SGMS1: variants seen among roughly 807,000 people sequenced by gnomAD.
SGMS1 encodes phosphatidylcholine:ceramide cholinephosphotransferase 1.
SGMS1 carries 13 observed loss-of-function variants against 46.2 expected under a neutral mutation model. The observed-to-expected ratio is 0.28, with a 90% CI of 0.18 to 0.45. SGMS1 has a LOEUF of 0.45. SGMS1 is among the 20% of genes least tolerant of loss of function. The pLI, the probability that SGMS1 is intolerant of heterozygous loss-of-function variation, is 1.00. For missense variants in SGMS1, 324 were observed against 519.9 expected (o/e 0.62, Z 3.66); for synonymous variants, 203 against 187.8 (o/e 1.08, Z -0.66).
intron 3 of SGMS1, among the ~76,000 whole-genome samples, chr10:50,492,117 T>A (rs1837572571): frequency 6.6e-6 from 1 of 152,116 alleles, no homozygotes; most frequent in Non-Finnish European, 1.5e-5. Context: ...AAATTCAACA[T>A]CCATTCATGT....
At chr10:50,447,034 A>C (rs1218934027) in intron 5 of SGMS1, among the ~76,000 whole-genome samples, 1 of 152,214 alleles carries the variant, frequency 6.6e-6, no homozygotes, top group African/African-American at 2.4e-5. Flanking sequence ...AAAGGAAAAC[A>C]AACTATTGTC....
At position 50,487,746 on chromosome 10, in the gene SGMS1, A is replaced by G. The variant is rs557277699; in HGVS notation, c.-497-20814T>C. ...CATTTATGTACCTGTCCTCACTTCC[A>G]TTTTTTGAGAGATGGCTAATTCAGT... On this transcript the variant is annotated intron_variant, in intron 3 of 10. Coordinates refer to ENST00000361781, the MANE Select transcript of SGMS1 (RefSeq NM_147156.4). Among the ~76,000 whole-genome samples, 711 of 152,006 alleles carry G rather than the reference A, an allele frequency of 4.7e-3. 3 individuals carry two copies. The highest frequency in any genetic ancestry group is 6.9e-3 in the Non-Finnish European group (471 of 67,954).
At chr10:50,482,514 C>T (rs942223153) in intron 3 of SGMS1, among the ~76,000 whole-genome samples, 3 of 152,162 alleles carry the variant, frequency 2.0e-5, no homozygotes, top group African/African-American at 7.2e-5. Flanking sequence ...TTGTCATCAC[C>T]AGGCCTGCCT....
intron 2 of SGMS1, among the ~76,000 whole-genome samples, chr10:50,582,701 A>G (rs1212173113): frequency 6.6e-6 from 1 of 152,208 alleles, no homozygotes; most frequent in Non-Finnish European, 1.5e-5. Flanking sequence ...GGCACCGTTC[A>G]TGTGGGAAGC....
chr10:50,624,418 C>A (rs931700927), upstream of SGMS1, among the ~76,000 whole-genome samples: 68 of 152,292 alleles, frequency 4.5e-4, no homozygotes, highest in African/African-American at 1.6e-3. Context: ...TGGATCATTC[C>A]TAGGAAACGG....
chr10:50,377,937 T>A (rs916230656), intron 6 of SGMS1, among the ~76,000 whole-genome samples: 1 of 152,204 alleles, frequency 6.6e-6, no homozygotes, highest in Non-Finnish European at 1.5e-5. Context: ...AGGATACATA[T>A]GATTGCATTT....
chr10:50,542,629 G>GTA (rs1423344934), intron 2 of SGMS1, among the ~76,000 whole-genome samples: 3 of 73,344 alleles, frequency 4.1e-5, no homozygotes, highest in African/African-American at 1.7e-4. Context: ...AACAGAGAAG[G>GTA]TATACACACA....
chr10:50,482,527 C>A (rs898251097), intron 3 of SGMS1, among the ~76,000 whole-genome samples: 2 of 152,146 alleles, frequency 1.3e-5, no homozygotes, highest in Non-Finnish European at 2.9e-5. Context: ...GCCTGCCTTG[C>A]GAGAATTCCT....
chr10:50,589,362 A>G (rs1251852839), intron 2 of SGMS1, among the ~76,000 whole-genome samples: 2 of 152,260 alleles, frequency 1.3e-5, no homozygotes, highest in African/African-American at 4.8e-5. Flanking sequence ...CCTGGGCTCA[A>G]GCGATCCTCC....
chr10:50,458,795 C>T (rs1220287126), intron 5 of SGMS1, among the ~76,000 whole-genome samples: 1 of 152,102 alleles, frequency 6.6e-6, no homozygotes, highest in Non-Finnish European at 1.5e-5. Context: ...TCAGTATGTA[C>T]ATCTACTAAT....
chr10:50,619,735 T>A (rs1346979315), intron 1 of SGMS1, among the ~76,000 whole-genome samples: 1 of 152,226 alleles, frequency 6.6e-6, no homozygotes, highest in African/African-American at 2.4e-5. Flanking sequence ...GTTAAAGCCC[T>A]TGTGGCTTTA....
At chr10:50,328,610 C>T (rs1377726249) in intron 7 of SGMS1, among the ~76,000 whole-genome samples, 4 of 152,154 alleles carry the variant, frequency 2.6e-5, no homozygotes, top group Admixed American at 6.5e-5. Context: ...ATGTATGTTA[C>T]TTAGGTTTTA....
chr10:50,534,466 T>A (rs1283793852), intron 2 of SGMS1, among the ~76,000 whole-genome samples: 1 of 152,220 alleles, frequency 6.6e-6, no homozygotes, highest in African/African-American at 2.4e-5. Flanking sequence ...ATGAGATGAA[T>A]GCTTCCCTAC....
intron 2 of SGMS1, among the ~76,000 whole-genome samples, chr10:50,582,550 T>G (rs1838444572): frequency 6.6e-6 from 1 of 152,246 alleles, no homozygotes; most frequent in South Asian, 2.1e-4. Context: ...CCTCTGAAAC[T>G]CAGAATACTG....
intron 6 of SGMS1, among the ~76,000 whole-genome samples, chr10:50,347,011 T>A (rs1272221566): frequency 6.6e-6 from 1 of 152,162 alleles, no homozygotes; most frequent in Non-Finnish European, 1.5e-5. Context: ...TCAGTCCATA[T>A]AACAACCAAT....
At chr10:50,474,523 T>C (rs1367399944) in intron 3 of SGMS1, among the ~76,000 whole-genome samples, 1 of 152,196 alleles carries the variant, frequency 6.6e-6, no homozygotes, top group African/African-American at 2.4e-5. Context: ...CTTCATTACC[T>C]TGGCTGTCAC....
At chr10:50,406,233 T>C (rs919938917) in intron 6 of SGMS1, among the ~76,000 whole-genome samples, 2 of 152,156 alleles carry the variant, frequency 1.3e-5, no homozygotes, top group Non-Finnish European at 2.9e-5. Context: ...ACATGATGTT[T>C]GTTAATTTTT....
At chr10:50,497,964 C>G (rs1382401728) in intron 3 of SGMS1, among the ~76,000 whole-genome samples, 1 of 152,120 alleles carries the variant, frequency 6.6e-6, no homozygotes. Flanking sequence ...TTATATTTTG[C>G]TTTTCCTCTC....
At chr10:50,511,248 TACAC>T (rs3054272) in intron 3 of SGMS1, among the ~76,000 whole-genome samples, 97 of 141,784 alleles carry the variant, frequency 6.8e-4, no homozygotes, top group South Asian at 2.1e-3. Flanking sequence ...CACTCATTCA[TACAC>T]ACACACACAC....
Sources: gnomAD v4.1 joint callset for allele counts (sites outside exome capture counted in the v4.1 genomes callset) on GRCh38, gnomAD v4.1.1 for gene constraint, MANE v1.5 for transcripts, NCBI Gene and HGNC (gene_info 2026-07-23, HGNC 2026-07-21) for gene names.